GALNTL6: variants seen among roughly 807,000 people sequenced by gnomAD.
GALNTL6 encodes the protein polypeptide N-acetylgalactosaminyltransferase like 6.
A neutral mutation model predicts 73.7 loss-of-function variants in GALNTL6; 46 were observed. The observed-to-expected ratio is 0.62, with a 90% CI of 0.49 to 0.80. GALNTL6 has a LOEUF of 0.80. Ranked by LOEUF, GALNTL6 falls within the 30% of genes least tolerant of loss-of-function variation. The pLI, the probability that GALNTL6 is intolerant of heterozygous loss-of-function variation, is 0.00. For missense variants in GALNTL6, 604 were observed against 755.0 expected (o/e 0.80, Z 2.34); for synonymous variants, 259 against 263.7 (o/e 0.98, Z 0.17).
chr4:172,298,360 G>A (rs377716996), intron 3 of GALNTL6, among the ~76,000 whole-genome samples: 1 of 152,090 alleles, frequency 6.6e-6, no homozygotes, highest in Non-Finnish European at 1.5e-5. Context: ...TCTCCTGCCT[G>A]ATTGCCCTGG....
chr4:171,838,649 G>A (rs772216893), intron 2 of GALNTL6, among the ~76,000 whole-genome samples: 8 of 152,018 alleles, frequency 5.3e-5, no homozygotes, highest in East Asian at 3.9e-4. Flanking sequence ...ACATTAGTCC[G>A]AGGTGCTTTT....
At chr4:172,915,466 T>G (rs958124371) in intron 8 of GALNTL6, among the ~76,000 whole-genome samples, 2 of 152,058 alleles carry the variant, frequency 1.3e-5, no homozygotes, top group African/African-American at 4.8e-5. Context: ...GCAGCTGGTT[T>G]TTCGAAAAGA....
chr4:172,038,760 T>G (rs930103999), intron 2 of GALNTL6, among the ~76,000 whole-genome samples: 8 of 152,154 alleles, frequency 5.3e-5, no homozygotes, highest in Admixed American at 5.2e-4. Context: ...TGATATATTT[T>G]TAAATGGATA....
intron 5 of GALNTL6, among the ~76,000 whole-genome samples, chr4:172,440,784 A>C (rs952396523): frequency 1.8e-4 from 1 of 5,454 alleles, no homozygotes; most frequent in African/African-American, 3.0e-4. Context: ...CTGCTTTAAA[A>C]ATAAATAAAG....
intron 2 of GALNTL6, among the ~76,000 whole-genome samples, chr4:172,131,310 A>C (rs1733486434): frequency 6.6e-6 from 1 of 150,694 alleles, no homozygotes; most frequent in African/African-American, 2.4e-5. Context: ...ACTGAAAGAA[A>C]ATATGAGGAT....
At chr4:171,977,560 T>C (rs1009613099) in intron 2 of GALNTL6, among the ~76,000 whole-genome samples, 1 of 152,104 alleles carries the variant, frequency 6.6e-6, no homozygotes, top group Non-Finnish European at 1.5e-5. Context: ...CCTCTTCCTA[T>C]AAGGACACCA....
chr4:172,649,065 C>A (rs1329939656), intron 5 of GALNTL6, among the ~76,000 whole-genome samples: 5 of 152,080 alleles, frequency 3.3e-5, no homozygotes, highest in Non-Finnish European at 7.4e-5. Flanking sequence ...GGCATCCAAA[C>A]TAAGTTTATT....
At chr4:172,366,246 G>GA (rs1004631830) in intron 5 of GALNTL6, among the ~76,000 whole-genome samples, 34 of 152,170 alleles carry the variant, frequency 2.2e-4, no homozygotes, top group African/African-American at 7.9e-4. Flanking sequence ...CTGAATTTCA[G>GA]AAAAAATGTT....
chr4:171,963,558 G>C (rs72993040), intron 2 of GALNTL6, among the ~76,000 whole-genome samples: 1 of 152,016 alleles, frequency 6.6e-6, no homozygotes, highest in Non-Finnish European at 1.5e-5. Flanking sequence ...TTTAACTATA[G>C]GGTAATGTCA....
intron 5 of GALNTL6, 66 bp downstream of exon 5, chr4:172,348,755 T>A (rs1221178500): frequency 8.4e-6 from 9 of 1,068,206 alleles, no homozygotes; most frequent in South Asian, 2.1e-5. Context: ...AAGGACTTTT[T>A]AAAAAAGACA....
At chr4:172,949,424 C>A (rs1473076443) in intron 9 of GALNTL6, among the ~76,000 whole-genome samples, 1 of 152,160 alleles carries the variant, frequency 6.6e-6, no homozygotes, top group Admixed American at 6.5e-5. Context: ...TCATTTGCTT[C>A]TGCTTTTTGC....
intron 2 of GALNTL6, among the ~76,000 whole-genome samples, chr4:172,058,105 C>A (rs1731082786): frequency 1.3e-5 from 1 of 74,292 alleles, no homozygotes; most frequent in Non-Finnish European, 3.1e-5. Flanking sequence ...GTCACCCAGG[C>A]TGAAGTGGTT....
chr4:172,257,628 A>G (rs1226998225), intron 3 of GALNTL6, among the ~76,000 whole-genome samples: 1 of 151,390 alleles, frequency 6.6e-6, no homozygotes, highest in Admixed American at 6.6e-5. Flanking sequence ...ATGGCATTTC[A>G]GCAGAAATAC....
rs75812517 is a variant in GALNTL6 at position 172,620,027 on chromosome 4, A to G, written c.554-189334A>G. On this transcript the variant is annotated intron_variant, in intron 5 of 12. Transcript: ENST00000506823. ...AAGCTACCTTTCCTTTCATTATGAC[A>G]TGCACTATTTGGGACCTATTTTTTT... is the stretch of plus-strand genomic sequence containing the variant. Among the ~76,000 whole-genome samples the G allele has an allele frequency of 9.2e-4, 140 of 152,302 alleles. 1 individual carries two copies. The highest frequency in any genetic ancestry group is 3.1e-3 in the African/African-American group (127 of 41,564).
chr4:171,891,272 G>A (rs1031203449), intron 2 of GALNTL6, among the ~76,000 whole-genome samples: 3 of 152,138 alleles, frequency 2.0e-5, no homozygotes, highest in Non-Finnish European at 4.4e-5. Flanking sequence ...ACCACTGGAG[G>A]CACATATCTA....
chr4:172,401,352 C>G (rs561352069), intron 5 of GALNTL6, among the ~76,000 whole-genome samples: 2 of 152,090 alleles, frequency 1.3e-5, no homozygotes, highest in East Asian at 1.9e-4. Flanking sequence ...TTTTTTAAAA[C>G]TAATTTTCAT....
chr4:173,026,633 T>G (rs1165225558), intron 12 of GALNTL6, among the ~76,000 whole-genome samples: 1 of 152,228 alleles, frequency 6.6e-6, no homozygotes, highest in Non-Finnish European at 1.5e-5. Flanking sequence ...TAAAGTGATA[T>G]GTTTGTTAGC....
At chr4:172,082,738 T>G (rs1163843030) in intron 2 of GALNTL6, among the ~76,000 whole-genome samples, 4 of 152,178 alleles carry the variant, frequency 2.6e-5, no homozygotes, top group Non-Finnish European at 4.4e-5. Flanking sequence ...CATGAGATTT[T>G]AGCAAGAATC....
At chr4:171,931,221 G>A (rs1340319075) in intron 2 of GALNTL6, among the ~76,000 whole-genome samples, 2 of 152,034 alleles carry the variant, frequency 1.3e-5, no homozygotes, top group African/African-American at 4.8e-5. Flanking sequence ...TCATTCTGTT[G>A]CCCAAGCTGG....
Sources: gnomAD v4.1 joint callset for allele counts (sites outside exome capture counted in the v4.1 genomes callset) on GRCh38, gnomAD v4.1.1 for gene constraint, MANE v1.5 for transcripts, NCBI Gene and HGNC (gene_info 2026-07-23, HGNC 2026-07-21) for gene names.